Variants in PIP5K1B observed in about 807,000 individuals in gnomAD.
PIP5K1B encodes phosphatidylinositol-4-phosphate 5-kinase type 1 beta.
PIP5K1B carries 42 observed loss-of-function variants against 67.0 expected under a neutral mutation model. That is an observed-to-expected ratio of 0.63 (90% CI 0.49 to 0.81). PIP5K1B has a LOEUF of 0.81. PIP5K1B is among the 30% of genes least tolerant of loss of function. The pLI is 0.00. For missense variants in PIP5K1B, 459 were observed against 646.3 expected, an observed-to-expected ratio of 0.71 and a Z score of 3.14; for synonymous variants, 214 against 231.4, an observed-to-expected ratio of 0.92 and a Z score of 0.68.
chr9:68,721,220 G>T (rs1451436257), intron 1 of PIP5K1B, among the ~76,000 whole-genome samples: 1 of 152,130 alleles, frequency 6.6e-6, no homozygotes, highest in Non-Finnish European at 1.5e-5. Flanking sequence ...GTCATATTTT[G>T]TTTCATAATG....
At chr9:68,925,795 A>ATT (rs71353094) in intron 12 of PIP5K1B, among the ~76,000 whole-genome samples, 1,100 of 73,258 alleles carry the variant, frequency 0.015, 145 homozygotes, top group African/African-American at 0.059. Context: ...TGTGGTTCCA[A>ATT]TTTTTTTTTT....
intron 6 of PIP5K1B, among the ~76,000 whole-genome samples, chr9:68,878,615 TG>T (rs1267953620): frequency 2.0e-5 from 3 of 152,212 alleles, no homozygotes; most frequent in Admixed American, 6.5e-5. Flanking sequence ...TAAAATGCTT[TG>T]CTCATAGTTG....
chr9:68,957,375 T>C (rs549687768), intron 14 of PIP5K1B, among the ~76,000 whole-genome samples: 6 of 152,248 alleles, frequency 3.9e-5, no homozygotes, highest in African/African-American at 1.4e-4. Flanking sequence ...CAAAGGAGGC[T>C]GGGAAGAGGC....
At chr9:68,827,853 G>A (rs767962738) in intron 4 of PIP5K1B, among the ~76,000 whole-genome samples, 1 of 152,172 alleles carries the variant, frequency 6.6e-6, no homozygotes, top group Non-Finnish European at 1.5e-5. Flanking sequence ...GAGGCGCAGG[G>A]CACGAGTTTA....
intron 9 of PIP5K1B, among the ~76,000 whole-genome samples, chr9:68,918,088 TTTATTTA>T (rs1176317610): frequency 1.5e-5 from 2 of 129,672 alleles, no homozygotes; most frequent in Non-Finnish European, 3.4e-5. Context: ...TTATTGTTTA[TTTATTTA>T]TTTTTTTTTT....
intron 4 of PIP5K1B, among the ~76,000 whole-genome samples, chr9:68,853,312 T>A (rs980780453): frequency 6.6e-6 from 1 of 152,170 alleles, no homozygotes; most frequent in East Asian, 1.9e-4. Flanking sequence ...CTAAGACCAG[T>A]TGAATGATCA....
intron 1 of PIP5K1B, among the ~76,000 whole-genome samples, chr9:68,738,535 A>C (rs1828852816): frequency 1.3e-5 from 2 of 152,208 alleles, no homozygotes; most frequent in South Asian, 2.1e-4. Flanking sequence ...AGCAGTTGGC[A>C]TCACCTTCCT....
chr9:68,714,337 C>A (rs1293856930), intron 1 of PIP5K1B, among the ~76,000 whole-genome samples: 1 of 152,212 alleles, frequency 6.6e-6, no homozygotes, highest in Non-Finnish European at 1.5e-5. Context: ...GCTCCACCCT[C>A]TGCACACACC....
chr9:68,809,413 C>T (rs547919742), intron 2 of PIP5K1B, among the ~76,000 whole-genome samples: 2 of 152,214 alleles, frequency 1.3e-5, no homozygotes, highest in African/African-American at 2.4e-5. Context: ...ACCAGGCTGA[C>T]GTTTTCCTAA....
At chr9:68,948,542 G>A (rs1370701084) in intron 14 of PIP5K1B, among the ~76,000 whole-genome samples, 1 of 152,084 alleles carries the variant, frequency 6.6e-6, no homozygotes, top group Admixed American at 6.6e-5. Flanking sequence ...CTACTTGGGA[G>A]GCTAAGATGG....
chr9:68,830,194 A>G (rs1374700479), intron 4 of PIP5K1B, among the ~76,000 whole-genome samples: 1 of 152,126 alleles, frequency 6.6e-6, no homozygotes, highest in African/African-American at 2.4e-5. Context: ...GGTGAGCTGC[A>G]TCATTTACAG....
intron 14 of PIP5K1B, among the ~76,000 whole-genome samples, chr9:68,976,200 G>T (rs1020005909): frequency 1.3e-5 from 2 of 152,200 alleles, no homozygotes; most frequent in Non-Finnish European, 2.9e-5. Flanking sequence ...CTTAGGCCAG[G>T]AATTGTTTCC....
At chr9:69,006,994 A>G (rs1281756978) in intron 15 of PIP5K1B, among the ~76,000 whole-genome samples, 1 of 152,178 alleles carries the variant, frequency 6.6e-6, no homozygotes, top group Non-Finnish European at 1.5e-5. Context: ...AATGTGGGCA[A>G]CGTCCCACTT....
chr9:68,962,366 G>C (rs767174741), intron 14 of PIP5K1B, among the ~76,000 whole-genome samples: 4 of 152,090 alleles, frequency 2.6e-5, no homozygotes, highest in Non-Finnish European at 4.4e-5. Context: ...CAGAGAACTG[G>C]TTAAATGCAT....
intron 2 of PIP5K1B, among the ~76,000 whole-genome samples, chr9:68,798,719 G>T (rs191159743): frequency 1.3e-4 from 20 of 152,306 alleles, no homozygotes; most frequent in Middle Eastern, 3.4e-3. Context: ...AATGCCATAA[G>T]AAGACATTAA....
At chr9:68,788,338 G>T in intron 2 of PIP5K1B, 1 of 927,754 alleles carries the variant, frequency 1.1e-6, no homozygotes, top group Non-Finnish European at 1.7e-6. Context: ...TCTAGCTTTG[G>T]TCATGTATTT....
chr9:68,917,563 A>G lies in PIP5K1B; in HGVS notation c.787A>G (p.Lys263Glu), dbSNP rs775969836. 7 of 1,613,764 alleles carry G rather than the reference A, an allele frequency of 4.3e-6. No homozygotes were observed. The African/African-American group carries it at 6.7e-5, about 15-fold the overall frequency. Residue 263 changes from lysine (K) to glutamate (E), a missense_variant, in exon 9 of 16, where the codon AAG becomes GAG. Coordinates refer to ENST00000265382, the MANE Select transcript of PIP5K1B (RefSeq NM_003558.4). The part of the protein sequence containing the change: ...QRDCRVLESF[K>E]IMDYSLLLGI... ...TCTCATTCAGGTGCTAGAAAGCTTC[A>G]AGATCATGGATTATAGCCTTCTGTT...
At chr9:68,735,641 C>T (rs1006382953) in intron 1 of PIP5K1B, among the ~76,000 whole-genome samples, 19 of 152,164 alleles carry the variant, frequency 1.2e-4, no homozygotes, top group Non-Finnish European at 2.4e-4. Flanking sequence ...CCGCTTGCCT[C>T]AGCCTCCCAA....
intron 14 of PIP5K1B, among the ~76,000 whole-genome samples, chr9:68,962,853 C>A (rs776839585): frequency 3.3e-5 from 5 of 152,140 alleles, no homozygotes; most frequent in African/African-American, 4.8e-5. Flanking sequence ...AACTTCAAGG[C>A]AATTCTAAAT....
Sources: gnomAD v4.1 joint callset for allele counts (sites outside exome capture counted in the v4.1 genomes callset) on GRCh38, gnomAD v4.1.1 for gene constraint, MANE v1.5 for transcripts, NCBI Gene and HGNC (gene_info 2026-07-23, HGNC 2026-07-21) for gene names.